The following STAM2 variants were observed in gnomAD, a reference collection of about 807,000 sequenced individuals.
The protein encoded by STAM2 is signal transducing adaptor molecule 2, also known as signal transducing adapter molecule 2.
STAM2 carries 51 observed loss-of-function variants against 65.6 expected under a neutral mutation model. The observed-to-expected ratio is 0.78, with a 90% CI of 0.62 to 0.98. The LOEUF (loss-of-function observed/expected upper bound fraction) is 0.98, where lower values mean the gene tolerates loss of function less well. Among genes scored for constraint, STAM2 ranks in the 50% least tolerant of loss-of-function variants. The pLI is 0.00. For missense variants in STAM2, 584 were observed against 617.8 expected (o/e 0.95, Z 0.58); for synonymous variants, 198 against 208.4 (o/e 0.95, Z 0.43).
chr2:152,123,707 C>G lies in STAM2; in HGVS notation c.1349+59G>C, dbSNP rs1055242937. On this transcript the variant is annotated intron_variant, in intron 13 of 13. Coordinates refer to ENST00000263904, the MANE Select transcript of STAM2 (RefSeq NM_005843.6). ...ATCTTAATAAGGGTCTATATATTCT[C>G]ATTCTGAAAATCTAGGAAAATTAAC... The G allele has an allele frequency of 8.6e-6, 13 of 1,511,230 alleles. No individual in the cohort carries two copies. The African/African-American group carries it at 1.7e-4, about 19-fold the overall frequency. 93.6% of individuals were successfully genotyped at this position (1,511,230 alleles called of 1,614,324 possible). A position where few individuals can be genotyped will look rare whatever the true frequency, so the allele number is the denominator to read the frequency against.
In STAM2 at chr2:152,145,986, T is replaced by C. The variant is rs544513803; in HGVS notation, c.448-1029A>G. Among the ~76,000 whole-genome samples, 3 of 152,254 alleles carry C rather than the reference T, an allele frequency of 2.0e-5. No individual in the cohort carries two copies. The East Asian group carries it at 5.8e-4, about 29-fold the overall frequency. Reference sequence around the variant, plus strand: ...TCTGGTCAGCTATAAAGAATCTTTTTTCGGCCAGCGTGGTGGCTCATGCCT... The same window carrying C: ...TCTGGTCAGCTATAAAGAATCTTTTCTCGGCCAGCGTGGTGGCTCATGCCT... On this transcript the variant is annotated intron_variant, in intron 5 of 13. Transcript: ENST00000263904.
At chr2:152,150,124 G>A (rs747696558) in intron 2 of STAM2, 21 bp downstream of exon 2, 3 of 1,525,310 alleles carry the variant, frequency 2.0e-6, no homozygotes, top group East Asian at 2.3e-5. Flanking sequence ...GACATTCACT[G>A]AGCATGACTG....
In STAM2 at chr2:152,148,322, G is replaced by A. The variant is rs148553953; in HGVS notation, c.126-22C>T. On this transcript the variant is annotated intron_variant, in intron 2 of 13. Coordinates refer to ENST00000263904, the MANE Select transcript of STAM2 (RefSeq NM_005843.6). ...CGCTCTAAAAAAAAAAAGAGAGAGAGAGACAGTTAAGTATTTACTGATAAA... is the reference window on the plus strand; with the variant it reads ...CGCTCTAAAAAAAAAAAGAGAGAGAAAGACAGTTAAGTATTTACTGATAAA... 4.6e-6 allele frequency: 7 copies of A among 1,530,792 alleles called. No individual in the cohort carries two copies. The East Asian group carries it at 1.6e-4, about 34-fold the overall frequency. 94.8% of individuals were successfully genotyped at this position (1,530,792 alleles called of 1,614,324 possible). A position where few individuals can be genotyped will look rare whatever the true frequency, so the allele number is the denominator to read the frequency against.
chr2:152,129,985 A>G (rs76580516), intron 11 of STAM2, among the ~76,000 whole-genome samples: 7,706 of 152,322 alleles, frequency 0.051, 564 homozygotes, highest in African/African-American at 0.16. Flanking sequence ...CTTCTCTGGC[A>G]GAGGCAGAAA....
chr2:152,155,989 A>G (rs1689536083), intron 1 of STAM2, among the ~76,000 whole-genome samples: 1 of 152,166 alleles, frequency 6.6e-6, no homozygotes. Context: ...ATGGATATGT[A>G]TGAGTACAAA....
chr2:152,127,059 G>A, intron 11 of STAM2, among the ~76,000 whole-genome samples: 1 of 152,174 alleles, frequency 6.6e-6, no homozygotes, highest in East Asian at 1.9e-4. Context: ...AAAGGCCAAT[G>A]GGAAACTTCT....
intron 1 of STAM2, among the ~76,000 whole-genome samples, chr2:152,157,130 G>A (rs1689569978): frequency 6.6e-6 from 1 of 152,114 alleles, no homozygotes; most frequent in South Asian, 2.1e-4. Context: ...AAGTAGAGAA[G>A]GACTAGCCCA....
At chr2:152,139,781 T>C (rs1174163473) in intron 7 of STAM2, among the ~76,000 whole-genome samples, 1 of 152,068 alleles carries the variant, frequency 6.6e-6, no homozygotes, top group African/African-American at 2.4e-5. Flanking sequence ...GCTACATCCA[T>C]GGACTCAACA....
intron 7 of STAM2, among the ~76,000 whole-genome samples, chr2:152,140,238 G>A (rs997449616): frequency 6.6e-6 from 1 of 152,134 alleles, no homozygotes; most frequent in African/African-American, 2.4e-5. Flanking sequence ...GGTTAAGTAG[G>A]CACTTGCCAG....
chr2:152,175,489 C>T (rs2105576953), intron 1 of STAM2, 114 bp downstream of exon 1: 1 of 1,380,858 alleles, frequency 7.2e-7, no homozygotes, highest in South Asian at 1.2e-5. Flanking sequence ...CCGCCCCTCC[C>T]CTCCCTTCGC....
In STAM2 at chr2:152,150,878, A is replaced by AT. The variant is rs1000471596; in HGVS notation, c.41-650dup. On this transcript the variant is annotated intron_variant, in intron 1 of 13. Transcript: ENST00000263904. ...GTCCAATAAAGCATTGGTTTTGTAA[A>AT]TTTTTTTAATAGATAAGGGGTCTCA... is the stretch of plus-strand genomic sequence containing the variant. 1.2e-4 allele frequency among the ~76,000 whole-genome samples: 18 copies of AT among 152,022 alleles called. No homozygotes were observed. The South Asian group carries it at 3.8e-3, about 32-fold the overall frequency.
chr2:152,133,075 A>C, intron 10 of STAM2, 98 bp downstream of exon 10: 1 of 486,216 alleles, frequency 2.1e-6, no homozygotes, highest in South Asian at 6.9e-5. Context: ...GAGATTTCTA[A>C]CCTCTAGAGG....
chr2:152,144,648 C>T, intron 6 of STAM2: 1 of 353,738 alleles, frequency 2.8e-6, no homozygotes, highest in Middle Eastern at 8.7e-4. Context: ...AAGCGATTCT[C>T]CTGCCTCAGC....
chr2:152,144,158 C>T lies in STAM2; in HGVS notation c.518-145G>A, dbSNP rs1316336750. On this transcript the variant is annotated intron_variant, in intron 6 of 13. Transcript: ENST00000263904. ...ACAGTTAACTTTCGGGAGGGTGGGG[C>T]AGGGCAGGGAACCATGACATTTTTA... is the stretch of plus-strand genomic sequence containing the variant. The T allele has an allele frequency of 1.4e-5, 8 of 572,408 alleles. 1 individual carries two copies. The East Asian group carries it at 2.7e-4, about 20-fold the overall frequency. The allele number at this position is 572,408 out of a possible 1,614,324, so 35.5% of individuals were successfully genotyped here. A position where few individuals can be genotyped will look rare whatever the true frequency, so the allele number is the denominator to read the frequency against.
intron 6 of STAM2, 143 bp downstream of exon 6, chr2:152,144,745 G>A (rs1369252271): frequency 1.2e-5 from 7 of 590,724 alleles, no homozygotes; most frequent in Non-Finnish European, 2.1e-5. Context: ...CACCTTGTTG[G>A]TCAGGCTGGT....
intron 4 of STAM2, among the ~76,000 whole-genome samples, chr2:152,147,542 T>C (rs1309308358): frequency 6.6e-6 from 1 of 152,196 alleles, no homozygotes; most frequent in Non-Finnish European, 1.5e-5. Flanking sequence ...CTTACTATAA[T>C]GACAACAGAT....
chr2:152,165,591 G>A (rs533686332), intron 1 of STAM2, among the ~76,000 whole-genome samples: 3 of 152,252 alleles, frequency 2.0e-5, no homozygotes, highest in East Asian at 3.9e-4. Flanking sequence ...AGGCTTCAGG[G>A]GGGTGGCGCG....
At chr2:152,151,726 T>G (rs1397168702) in intron 1 of STAM2, among the ~76,000 whole-genome samples, 1 of 152,202 alleles carries the variant, frequency 6.6e-6, no homozygotes, top group African/African-American at 2.4e-5. Context: ...CTCCAAAGAT[T>G]TACCTATTCC....
chr2:152,148,206 T>C lies in STAM2; in HGVS notation c.201+19A>G. Reference sequence around the variant, plus strand: ...CACATTTAAAATTTGCGTCAAATAATAACATGCCTTGTACTCACAGTTAGT... The same window carrying C: ...CACATTTAAAATTTGCGTCAAATAACAACATGCCTTGTACTCACAGTTAGT... On this transcript the variant is annotated intron_variant, in intron 3 of 13. Transcript: ENST00000263904. 6.2e-7 allele frequency: 1 copy of C among 1,602,496 alleles called. No individual in the cohort carries two copies. The highest frequency in any genetic ancestry group is 8.5e-7 in the Non-Finnish European group (1 of 1,174,942).
Sources: allele counts gnomAD v4.1 joint callset (sites outside exome capture counted in the v4.1 genomes callset), GRCh38; gene constraint gnomAD v4.1.1; transcripts MANE v1.5; gene names NCBI Gene and HGNC (gene_info 2026-07-23, HGNC 2026-07-21).